The following SCAPER variants were observed in gnomAD, a reference collection of about 807,000 sequenced individuals.
SCAPER encodes the protein S-phase cyclin A associated protein in the ER, also known as S phase cyclin A-associated protein in the endoplasmic reticulum.
In SCAPER, 98 loss-of-function variants were observed where a neutral mutation model predicts 182.2. The ratio of observed to expected loss-of-function variants is 0.54; its 90% CI spans 0.46 to 0.64. SCAPER has a LOEUF of 0.64. Ranked by LOEUF, SCAPER falls within the 30% of genes least tolerant of loss-of-function variation. The pLI is 0.00. For synonymous variants in SCAPER, 605 were observed against 564.6 expected (o/e 1.07, Z -1.01); for missense variants, 1,432 against 1,690.0 (o/e 0.85, Z 2.68).
intron 21 of SCAPER, among the ~76,000 whole-genome samples, chr15:76,661,539 A>T (rs1050282611): frequency 6.6e-6 from 1 of 152,234 alleles, no homozygotes; most frequent in African/African-American, 2.4e-5. Context: ...GACACTTCTC[A>T]AAAGAAGATA....
intron 21 of SCAPER, among the ~76,000 whole-genome samples, chr15:76,625,135 C>T (rs1458918711): frequency 2.6e-5 from 4 of 152,084 alleles, no homozygotes; most frequent in Non-Finnish European, 5.9e-5. Flanking sequence ...TGCTTGGTTA[C>T]TGGGGGTGTG....
intron 29 of SCAPER, among the ~76,000 whole-genome samples, chr15:76,375,509 T>C (rs2042496179): frequency 6.6e-6 from 1 of 151,968 alleles, no homozygotes; most frequent in Non-Finnish European, 1.5e-5. Context: ...AACTACCTTA[T>C]CAAAACAAAA....
intron 23 of SCAPER, among the ~76,000 whole-genome samples, chr15:76,524,546 T>A (rs2043044321): frequency 6.6e-6 from 1 of 152,088 alleles, no homozygotes; most frequent in Non-Finnish European, 1.5e-5. Context: ...ATTTACATCT[T>A]ACTGCATATT....
At chr15:76,641,164 T>C (rs183998326) in intron 21 of SCAPER, among the ~76,000 whole-genome samples, 173 of 152,322 alleles carry the variant, frequency 1.1e-3, no homozygotes, top group Non-Finnish European at 2.4e-3. Flanking sequence ...TAACCAGCTT[T>C]TGCTGCAACT....
chr15:76,548,805 T>A (rs867408513), intron 23 of SCAPER, among the ~76,000 whole-genome samples: 113 of 152,290 alleles, frequency 7.4e-4, no homozygotes, highest in African/African-American at 2.7e-3. Flanking sequence ...CAAGATGGAC[T>A]AAAGACCTAA....
intron 11 of SCAPER, 92 bp from the exon 12 acceptor site, chr15:76,765,730 G>A: frequency 9.7e-7 from 1 of 1,032,498 alleles, no homozygotes; most frequent in Non-Finnish European, 1.5e-6. Context: ...CCTACCTATT[G>A]TTAATATATT....
At chr15:76,667,884 A>G (rs1388032287) in intron 20 of SCAPER, among the ~76,000 whole-genome samples, 1 of 151,172 alleles carries the variant, frequency 6.6e-6, no homozygotes, top group African/African-American at 2.4e-5. Context: ...AACTGCTTGA[A>G]CCCAGAAGGC....
chr15:76,633,416 G>T (rs1344978800), intron 21 of SCAPER, among the ~76,000 whole-genome samples: 1 of 152,230 alleles, frequency 6.6e-6, no homozygotes, highest in Admixed American at 6.5e-5. Flanking sequence ...CGGGATCAGG[G>T]TCTTGCTTAA....
chr15:76,668,849 T>G (rs1297239437), intron 20 of SCAPER, among the ~76,000 whole-genome samples: 1 of 152,172 alleles, frequency 6.6e-6, no homozygotes, highest in Non-Finnish European at 1.5e-5. Flanking sequence ...TAATAACAAC[T>G]AATAATAGTA....
intron 23 of SCAPER, among the ~76,000 whole-genome samples, chr15:76,552,177 G>A (rs1479949247): frequency 1.6e-4 from 24 of 152,236 alleles, no homozygotes. Context: ...CAGCTATTAG[G>A]TGGGCTGAGG....
intron 29 of SCAPER, among the ~76,000 whole-genome samples, chr15:76,374,791 A>T (rs2042429601): frequency 6.6e-6 from 1 of 152,028 alleles, no homozygotes; most frequent in South Asian, 2.1e-4. Context: ...CCGGCCAAGT[A>T]GGGGGCTTTA....
intron 15 of SCAPER, among the ~76,000 whole-genome samples, chr15:76,743,860 T>C (rs1342629621): frequency 1.3e-5 from 2 of 152,034 alleles, no homozygotes; most frequent in South Asian, 4.1e-4. Context: ...GAACAAAGCT[T>C]GAGGCATCAC....
At chr15:76,357,073 G>A (rs1013448593) in intron 29 of SCAPER, among the ~76,000 whole-genome samples, 1 of 151,342 alleles carries the variant, frequency 6.6e-6, no homozygotes, top group African/African-American at 2.4e-5. Context: ...AACTGGCTTT[G>A]TGACCCTAGG....
intron 5 of SCAPER, among the ~76,000 whole-genome samples, chr15:76,825,896 C>A (rs62029188): frequency 0.049 from 7,410 of 152,220 alleles, 265 homozygotes; most frequent in Middle Eastern, 0.092. Context: ...AGACGCACAC[C>A]ACCACGCCCA....
In SCAPER at chr15:76,595,460, G is replaced by C. The variant is rs1283616493; in HGVS notation, c.2712-21176C>G. Among the ~76,000 whole-genome samples, 30 of 121,044 alleles carry C rather than the reference G, an allele frequency of 2.5e-4. 6 individuals carry two copies. The highest frequency in any genetic ancestry group is 7.6e-4 in the African/African-American group (30 of 39,606). 79.4% of individuals were successfully genotyped at this position (121,044 alleles called of 152,430 possible). A position where few individuals can be genotyped will look rare whatever the true frequency, so the allele number is the denominator to read the frequency against. ...ACTTGAACTTGGCTCTGGACTAAGT[G>C]GACCAAATAGACATCTACAGAACTC... On this transcript the variant is annotated intron_variant, in intron 22 of 31. Coordinates refer to ENST00000563290, the MANE Select transcript of SCAPER (RefSeq NM_020843.4).
chr15:76,629,637 T>C (rs1274545790), intron 21 of SCAPER, among the ~76,000 whole-genome samples: 1 of 152,238 alleles, frequency 6.6e-6, no homozygotes, highest in Admixed American at 6.5e-5. Flanking sequence ...ATAAGCTTTT[T>C]CATGTGCTGC....
At chr15:76,433,508 A>G (rs1405328922) in intron 26 of SCAPER, among the ~76,000 whole-genome samples, 1 of 152,084 alleles carries the variant, frequency 6.6e-6, no homozygotes, top group Non-Finnish European at 1.5e-5. Context: ...AAAAACAACA[A>G]CAACAACAAC....
intron 5 of SCAPER, among the ~76,000 whole-genome samples, chr15:76,837,942 A>ACT (rs2069099121): frequency 6.6e-6 from 1 of 152,208 alleles, no homozygotes; most frequent in African/African-American, 2.4e-5. Context: ...ATGCTTATAC[A>ACT]CTGCTGGTGG....
At chr15:76,738,275 T>C (rs572953726) in intron 15 of SCAPER, among the ~76,000 whole-genome samples, 1 of 152,228 alleles carries the variant, frequency 6.6e-6, no homozygotes, top group Admixed American at 6.5e-5. Context: ...ACGATAAGCA[T>C]GTGCGACCAC....
Sources: gnomAD v4.1 joint callset for allele counts (sites outside exome capture counted in the v4.1 genomes callset) on GRCh38, gnomAD v4.1.1 for gene constraint, MANE v1.5 for transcripts, NCBI Gene and HGNC (gene_info 2026-07-23, HGNC 2026-07-21) for gene names.